Variants in PEBP4 observed in about 807,000 individuals in gnomAD.
PEBP4 encodes phosphatidylethanolamine binding protein 4, also known as phosphatidylethanolamine-binding protein 4.
In PEBP4, 22 loss-of-function variants were observed where a neutral mutation model predicts 23.9. The observed-to-expected ratio is 0.92, with a 90% confidence interval of 0.66 to 1.31. The LOEUF is 1.31. Among genes scored for constraint, PEBP4 ranks in the 40% most tolerant of loss-of-function variants. The pLI is 0.00. For synonymous variants in PEBP4, 112 were observed against 99.3 expected (o/e 1.13, Z -0.76); for missense variants, 324 against 281.7 (o/e 1.15, Z -1.07).
chr8:22,876,441 A>G (rs920051804), intron 3 of PEBP4, among the ~76,000 whole-genome samples: 4 of 152,214 alleles, frequency 2.6e-5, no homozygotes, highest in African/African-American at 7.2e-5. Flanking sequence ...GACAGTATCC[A>G]GCGTATTCTT....
At chr8:22,734,213 C>T (rs952085365) in intron 4 of PEBP4, among the ~76,000 whole-genome samples, 10 of 152,210 alleles carry the variant, frequency 6.6e-5, no homozygotes, top group Admixed American at 4.6e-4. Context: ...CCCCAGGGGC[C>T]GCCTAACGCC....
intron 3 of PEBP4, among the ~76,000 whole-genome samples, chr8:22,847,536 C>T (rs1807463080): frequency 6.6e-6 from 1 of 152,236 alleles, no homozygotes; most frequent in South Asian, 2.1e-4. Context: ...AACTTCGGGT[C>T]TCCTCCTTGT....
chr8:22,747,904 C>T (rs1337906355), intron 4 of PEBP4, among the ~76,000 whole-genome samples: 1 of 152,174 alleles, frequency 6.6e-6, no homozygotes, highest in East Asian at 1.9e-4. Context: ...GGAGCAGGAG[C>T]CCAGGGCCGC....
chr8:22,816,090 G>A (rs553078642), intron 4 of PEBP4, among the ~76,000 whole-genome samples: 23 of 152,300 alleles, frequency 1.5e-4, no homozygotes, highest in South Asian at 1.2e-3. Flanking sequence ...AAATGACAAC[G>A]CTCTAGCCTT....
At chr8:22,825,314 C>T (rs1010175318) in intron 3 of PEBP4, among the ~76,000 whole-genome samples, 3 of 152,308 alleles carry the variant, frequency 2.0e-5, no homozygotes, top group East Asian at 1.9e-4. Context: ...GAGATGAGCA[C>T]GTCTTCCTTC....
At chr8:22,716,655 G>A (rs528202904) in intron 6 of PEBP4, among the ~76,000 whole-genome samples, 7 of 152,354 alleles carry the variant, frequency 4.6e-5, no homozygotes, top group East Asian at 3.9e-4. Context: ...GGTTTGTCAC[G>A]TGCTGGACAA....
At chr8:22,887,893 T>C (rs1383179354) in intron 3 of PEBP4, 1 of 152,212 alleles carries the variant, frequency 6.6e-6, no homozygotes, top group Non-Finnish European at 1.5e-5. Context: ...GAACAGGAGC[T>C]GCTTCAGTAG....
intron 3 of PEBP4, among the ~76,000 whole-genome samples, chr8:22,868,284 T>C (rs1807946321): frequency 6.6e-6 from 1 of 152,166 alleles, no homozygotes; most frequent in Admixed American, 6.5e-5. Flanking sequence ...TTTGGGGATT[T>C]GTCTTTGTGA....
rs142834825 is a variant in PEBP4, at chr8:22,911,964, A to G, written c.258+8220T>C. On this transcript the variant is annotated intron_variant, in intron 3 of 6. Transcript: ENST00000256404. Reference sequence around the variant, plus strand: ...GCTTTCAGTGGATGTCAGCGGCCCAATCGCTGAGCGTGCACCCTGCCTGCC... The same window carrying G: ...GCTTTCAGTGGATGTCAGCGGCCCAGTCGCTGAGCGTGCACCCTGCCTGCC... Among the ~76,000 whole-genome samples, 243 of 152,182 alleles carry G rather than the reference A, an allele frequency of 1.6e-3. 5 individuals carry two copies. In the East Asian group the frequency reaches 0.033, roughly 21 times the overall value.
intron 4 of PEBP4, among the ~76,000 whole-genome samples, chr8:22,808,133 C>A (rs1806541979): frequency 6.6e-6 from 1 of 151,754 alleles, no homozygotes; most frequent in Admixed American, 6.6e-5. Flanking sequence ...CAACTTCCAC[C>A]CATCCATTCA....
intron 3 of PEBP4, among the ~76,000 whole-genome samples, chr8:22,856,408 G>T (rs1807650540): frequency 6.6e-6 from 1 of 152,080 alleles, no homozygotes; most frequent in Admixed American, 6.6e-5. Flanking sequence ...GGCAAATTTG[G>T]CAATGAATAT....
chr8:22,819,796 C>T (rs1044477875), intron 3 of PEBP4, among the ~76,000 whole-genome samples: 6 of 152,088 alleles, frequency 3.9e-5, no homozygotes, highest in African/African-American at 1.2e-4. Flanking sequence ...TTAGTAGAGA[C>T]GGGGTTTCAC....
At chr8:22,879,349 C>T (rs148458713) in intron 3 of PEBP4, 11 of 152,306 alleles carry the variant, frequency 7.2e-5, no homozygotes, top group African/African-American at 2.4e-4. Context: ...TTTCAAGCCT[C>T]ACAATGGGAC....
intron 2 of PEBP4, chr8:22,924,987 C>T (rs561772247): frequency 1.0e-6 from 1 of 985,392 alleles, no homozygotes; most frequent in African/African-American, 1.7e-5. Flanking sequence ...CAAATGCCCA[C>T]AAGAGGAGTG....
intron 1 of PEBP4, among the ~76,000 whole-genome samples, chr8:22,939,134 C>A (rs1809577689): frequency 6.6e-6 from 1 of 152,096 alleles, no homozygotes; most frequent in Non-Finnish European, 1.5e-5. Flanking sequence ...GTGGGGCTTA[C>A]TTCTAAATGA....
At chr8:22,786,447 A>G (rs1806029320) in intron 4 of PEBP4, among the ~76,000 whole-genome samples, 1 of 151,734 alleles carries the variant, frequency 6.6e-6, no homozygotes, top group Non-Finnish European at 1.5e-5. Context: ...CATGTCCGGC[A>G]ATTTTTTTTA....
At chr8:22,764,811 C>G (rs769150353) in intron 4 of PEBP4, among the ~76,000 whole-genome samples, 17 of 151,940 alleles carry the variant, frequency 1.1e-4, no homozygotes, top group Non-Finnish European at 2.2e-4. Flanking sequence ...CTCCTGTCCC[C>G]AAATGGCAAC....
In PEBP4 at chr8:22,760,371, C is replaced by T. The variant is rs775072478; in HGVS notation, c.358-33151G>A. On this transcript the variant is annotated intron_variant, in intron 4 of 6. Transcript: ENST00000256404. Reference sequence around the variant, plus strand: ...AAAATTGCCCCAGACTGTAATTAAACGTTTATGGGTCTGGTAAACGCCTCA... The same window carrying T: ...AAAATTGCCCCAGACTGTAATTAAATGTTTATGGGTCTGGTAAACGCCTCA... Among the ~76,000 whole-genome samples the T allele has an allele frequency of 7.9e-5, 12 of 152,104 alleles. No individual in the cohort carries two copies. In the East Asian group the frequency reaches 9.6e-4, roughly 12 times the overall value.
intron 4 of PEBP4, among the ~76,000 whole-genome samples, chr8:22,740,027 C>T (rs1158678210): frequency 6.6e-6 from 1 of 152,146 alleles, no homozygotes; most frequent in East Asian, 1.9e-4. Context: ...CTCCTTTGCC[C>T]TATTTTAGGT....
Sources: allele counts gnomAD v4.1 joint callset (sites outside exome capture counted in the v4.1 genomes callset), GRCh38; gene constraint gnomAD v4.1.1; transcripts MANE v1.5; gene names NCBI Gene and HGNC (gene_info 2026-07-23, HGNC 2026-07-21).